Variants in NAV2 observed in about 807,000 individuals in gnomAD.
NAV2 encodes the protein neuron navigator 2.
A neutral mutation model predicts 223.2 loss-of-function variants in NAV2; 54 were observed. That is an observed-to-expected ratio of 0.24 (90% confidence interval 0.19 to 0.30). The LOEUF (loss-of-function observed/expected upper bound fraction) is 0.30, where lower values mean the gene tolerates loss of function less well. Among genes scored for constraint, NAV2 ranks in the 10% least tolerant of loss-of-function variants. The pLI is 1.00. For synonymous variants in NAV2, 1,279 were observed against 1,239.3 expected, an observed-to-expected ratio of 1.03 and a Z score of -0.67; for missense variants, 2,806 against 3,147.5, an observed-to-expected ratio of 0.89 and a Z score of 2.60.
intron 6 of NAV2, among the ~76,000 whole-genome samples, chr11:19,909,024 T>G (rs1275000799): frequency 2.0e-5 from 3 of 152,330 alleles, no homozygotes; most frequent in African/African-American, 7.2e-5. Flanking sequence ...ATGTGAATTA[T>G]ATGTCAATAT....
chr11:20,056,826 T>G (rs540868840), intron 19 of NAV2, among the ~76,000 whole-genome samples: 7 of 152,322 alleles, frequency 4.6e-5, no homozygotes, highest in Admixed American at 1.3e-4. Context: ...CTCTGTTTTT[T>G]CATGGATAAA....
chr11:19,851,804 T>C (rs72632999), intron 3 of NAV2, among the ~76,000 whole-genome samples: 21,738 of 152,240 alleles, frequency 0.14, 1,600 homozygotes, highest in Middle Eastern at 0.17. Context: ...TCTTACCTGA[T>C]GAGAGACTTT....
At chr11:19,985,122 AT>A (rs1312397304) in intron 11 of NAV2, among the ~76,000 whole-genome samples, 1 of 150,188 alleles carries the variant, frequency 6.7e-6, no homozygotes, top group East Asian at 2.1e-4. Context: ...TAAACCTTTT[AT>A]GTCAGAAAGC....
chr11:19,976,959 C>A (rs1042175082), intron 10 of NAV2, among the ~76,000 whole-genome samples: 1 of 152,156 alleles, frequency 6.6e-6, no homozygotes, highest in African/African-American at 2.4e-5. Context: ...ATTGAACTCC[C>A]AAATCCTCCT....
At chr11:19,767,658 G>A (rs1225951128) in intron 1 of NAV2, among the ~76,000 whole-genome samples, 3 of 152,230 alleles carry the variant, frequency 2.0e-5, no homozygotes, top group South Asian at 2.1e-4. Flanking sequence ...TATCTCACAT[G>A]GTCCCCACAG....
chr11:19,803,144 C>T (rs1409921805), intron 1 of NAV2, among the ~76,000 whole-genome samples: 10 of 151,550 alleles, frequency 6.6e-5, no homozygotes, highest in Non-Finnish European at 1.3e-4. Flanking sequence ...AATATTTCTG[C>T]GATGTATTCC....
chr11:19,581,680 A>G (rs1481073005), intron 1 of NAV2, among the ~76,000 whole-genome samples: 3 of 152,162 alleles, frequency 2.0e-5, no homozygotes, highest in African/African-American at 4.8e-5. Context: ...CCATGTCCCT[A>G]CAAAGGACAT....
At chr11:19,621,059 A>T (rs1315990095) in intron 1 of NAV2, among the ~76,000 whole-genome samples, 4 of 152,196 alleles carry the variant, frequency 2.6e-5, no homozygotes, top group Non-Finnish European at 5.9e-5. Flanking sequence ...ATGACGGATT[A>T]GGTTTATTGA....
chr11:19,706,040 C>T (rs372189739), intron 1 of NAV2, among the ~76,000 whole-genome samples: 5 of 152,140 alleles, frequency 3.3e-5, no homozygotes, highest in Admixed American at 2.0e-4. Flanking sequence ...TGGCAGACTT[C>T]GAAATCTCAG....
chr11:19,519,055 G>A (rs983761828), intron 1 of NAV2, among the ~76,000 whole-genome samples: 1 of 152,144 alleles, frequency 6.6e-6, no homozygotes, highest in African/African-American at 2.4e-5. Flanking sequence ...CCAGCTTCTA[G>A]AACTGTGAAA....
At chr11:19,512,623 A>G (rs2134242971) in intron 1 of NAV2, among the ~76,000 whole-genome samples, 1 of 152,346 alleles carries the variant, frequency 6.6e-6, no homozygotes, top group Middle Eastern at 3.4e-3. Flanking sequence ...GGGCAAAATG[A>G]CTAATTGGAA....
intron 1 of NAV2, among the ~76,000 whole-genome samples, chr11:19,525,517 G>T (rs1391045421): frequency 6.6e-6 from 1 of 152,194 alleles, no homozygotes; most frequent in African/African-American, 2.4e-5. Flanking sequence ...CTTTACGAAG[G>T]TGTTGACAAG....
intron 2 of NAV2, among the ~76,000 whole-genome samples, chr11:19,835,164 T>C (rs1459920125): frequency 6.6e-6 from 1 of 152,220 alleles, no homozygotes; most frequent in Non-Finnish European, 1.5e-5. Flanking sequence ...TCAGATGAGA[T>C]GAACTTCCCT....
chr11:19,616,432 A>G (rs1465050047), intron 1 of NAV2, among the ~76,000 whole-genome samples: 1 of 151,838 alleles, frequency 6.6e-6, no homozygotes, highest in African/African-American at 2.4e-5. Flanking sequence ...CTTTCTCCCA[A>G]GGGTGTCCAT....
intron 11 of NAV2, among the ~76,000 whole-genome samples, chr11:19,991,899 CT>C (rs2051372854): frequency 6.6e-6 from 1 of 152,050 alleles, no homozygotes; most frequent in Admixed American, 6.6e-5. Context: ...ATTCCCAGCC[CT>C]TCCCCTCTCT....
chr11:19,475,093 C>T (rs1352894859), intron 1 of NAV2, among the ~76,000 whole-genome samples: 2 of 152,218 alleles, frequency 1.3e-5, no homozygotes. Context: ...AAGGGGAGGT[C>T]TCTCCACTCC....
intron 10 of NAV2, 59 bp downstream of exon 10, chr11:19,949,139 T>G: frequency 1.3e-6 from 2 of 1,508,522 alleles, no homozygotes; most frequent in South Asian, 2.7e-5. Flanking sequence ...ACCTGGCTTC[T>G]CTTTTGTAGG....
At chr11:19,547,526 C>G (rs555965981) in intron 1 of NAV2, among the ~76,000 whole-genome samples, 1 of 152,308 alleles carries the variant, frequency 6.6e-6, no homozygotes, top group East Asian at 1.9e-4. Context: ...TACATCCTCA[C>G]GCTGCACACT....
chr11:20,047,667 C>T (rs2057580172), intron 14 of NAV2, among the ~76,000 whole-genome samples: 1 of 152,190 alleles, frequency 6.6e-6, no homozygotes, highest in Admixed American at 6.5e-5. Flanking sequence ...TGTCACCAGG[C>T]ACAAAGTGTT....
Sources: allele counts gnomAD v4.1 joint callset (sites outside exome capture counted in the v4.1 genomes callset), GRCh38; gene constraint gnomAD v4.1.1; transcripts MANE v1.5; gene names NCBI Gene and HGNC (gene_info 2026-07-23, HGNC 2026-07-21).